The following ARL6 variants were observed in gnomAD, a reference collection of about 807,000 sequenced individuals.
ARL6 encodes the protein ARF like GTPase 6, also known as ADP-ribosylation factor-like protein 6.
Under a neutral mutation model 27.1 loss-of-function variants are expected in ARL6, and 18 were observed. The observed-to-expected ratio is 0.66, with a 90% confidence interval of 0.46 to 0.98. ARL6 has a LOEUF of 0.98. Among genes scored for constraint, ARL6 ranks in the 50% least tolerant of loss-of-function variants. The pLI is 0.00. For synonymous variants in ARL6, 65 were observed against 72.3 expected, an observed-to-expected ratio of 0.90 and a Z score of 0.51; for missense variants, 187 against 214.9, an observed-to-expected ratio of 0.87 and a Z score of 0.81.
At chr3:97,791,377 G>A in intron 6 of ARL6, 10 of 163,644 alleles carry the variant, frequency 6.1e-5, no homozygotes. Flanking sequence ...TCAAACAAAG[G>A]CACACCATAA....
chr3:97,783,605 TTTGA>T (rs1476235834), intron 4 of ARL6, among the ~76,000 whole-genome samples: 1 of 151,868 alleles, frequency 6.6e-6, no homozygotes, highest in Non-Finnish European at 1.5e-5. Flanking sequence ...TGATAGGTAC[TTTGA>T]TTGTTCTGGT....
At chr3:97,793,757 T>C (rs1428377416) in intron 7 of ARL6, among the ~76,000 whole-genome samples, 7 of 152,312 alleles carry the variant, frequency 4.6e-5, no homozygotes, top group Admixed American at 2.6e-4. Flanking sequence ...TTGGAAATAC[T>C]TTTGTGTCCT....
At chr3:97,772,675 G>A (rs2036697841) in intron 2 of ARL6, among the ~76,000 whole-genome samples, 1 of 146,738 alleles carries the variant, frequency 6.8e-6, no homozygotes, top group African/African-American at 2.5e-5. Flanking sequence ...AGGCTGGAGT[G>A]CAATGGTGTG....
At chr3:97,774,831 T>C (rs1166983000) in intron 2 of ARL6, among the ~76,000 whole-genome samples, 1 of 152,216 alleles carries the variant, frequency 6.6e-6, no homozygotes, top group African/African-American at 2.4e-5. Flanking sequence ...AGTATGTGCT[T>C]CTGAAGCTGG....
intron 1 of ARL6, chr3:97,766,146 T>A (rs1325441148): frequency 6.6e-6 from 1 of 152,154 alleles, no homozygotes; most frequent in Non-Finnish European, 1.5e-5. Context: ...TGCTTTATAG[T>A]AGATGCTTAA....
chr3:97,777,417 T>C (rs1291408453), intron 2 of ARL6, among the ~76,000 whole-genome samples: 2 of 152,198 alleles, frequency 1.3e-5, no homozygotes, highest in Admixed American at 6.5e-5. Context: ...ATATAACTTA[T>C]GCACATCCTC....
At chr3:97,776,662 ATT>A (rs35144481) in intron 2 of ARL6, among the ~76,000 whole-genome samples, 10 of 147,836 alleles carry the variant, frequency 6.8e-5, no homozygotes, top group African/African-American at 2.3e-4. Flanking sequence ...TTATTTATTT[ATT>A]TTTTTTTTTT....
Position 97,798,054 on chromosome 3 carries a change from A to G in ARL6, c.*5A>G, listed in dbSNP as rs1470973707. 3 of 1,613,064 alleles carry G rather than the reference A, an allele frequency of 1.9e-6. No individual in the cohort carries two copies. Among genetic ancestry groups the G allele is most frequent in the Non-Finnish European group, 2.5e-6 (3 of 1,179,220 alleles). On this transcript the variant is annotated 3_prime_UTR_variant, in exon 8 of 8. Coordinates refer to ENST00000463745, the MANE Select transcript of ARL6 (RefSeq NM_001278293.3). ...ATCCAGACTGTGAAGACATGAAAAG[A>G]TAATAGTTGGAAACCTCAGCAATTT...
intron 2 of ARL6, among the ~76,000 whole-genome samples, chr3:97,772,266 T>C (rs1276247299): frequency 2.0e-5 from 3 of 152,208 alleles, no homozygotes; most frequent in South Asian, 2.1e-4. Flanking sequence ...GTTGAATGTG[T>C]CCGGCAATTT....
At chr3:97,787,704 T>G (rs2037525306) in intron 5 of ARL6, among the ~76,000 whole-genome samples, 1 of 152,156 alleles carries the variant, frequency 6.6e-6, no homozygotes, top group Admixed American at 6.5e-5. Flanking sequence ...AATGCTTTTT[T>G]GTAGGTACTT....
At chr3:97,775,938 T>C (rs929815666) in intron 2 of ARL6, among the ~76,000 whole-genome samples, 2 of 152,204 alleles carry the variant, frequency 1.3e-5, no homozygotes, top group African/African-American at 4.8e-5. Context: ...CATAAATGTT[T>C]ATTAGGTCCA....
chr3:97,768,317 C>T, intron 2 of ARL6, 87 bp downstream of exon 2: 1 of 1,355,268 alleles, frequency 7.4e-7, no homozygotes, highest in Non-Finnish European at 1.0e-6. Flanking sequence ...GTTAAAACCG[C>T]ATATAATCAC....
rs1359075294 is a variant in ARL6 at position 97,768,175 on chromosome 3, T to C, written c.68T>C (p.Leu23Pro). 1 of 1,613,048 alleles carries C rather than the reference T, an allele frequency of 6.2e-7. No homozygotes were observed. Among genetic ancestry groups the C allele is most frequent in the African/African-American group, 1.3e-5 (1 of 74,904 alleles). Residue 23 changes from leucine (L) to proline (P), a missense_variant, in exon 2 of 8, where the codon CTT (leucine) becomes CCT (proline). Coordinates refer to ENST00000463745, the MANE Select transcript of ARL6 (RefSeq NM_001278293.3). ...LKKKEVHVLC[L>P]GLDNSGKTTI... is the part of the protein sequence containing the mutation. ...AAGAAGGAGGTTCATGTTTTGTGCCTTGGGCTAGATAATAGTGGCAAAACG... is the reference window on the plus strand; with the variant it reads ...AAGAAGGAGGTTCATGTTTTGTGCCCTGGGCTAGATAATAGTGGCAAAACG...
intron 2 of ARL6, among the ~76,000 whole-genome samples, chr3:97,770,949 A>G (rs760384470): frequency 1.3e-5 from 2 of 152,122 alleles, no homozygotes; most frequent in Non-Finnish European, 2.9e-5. Flanking sequence ...GAAGTCAGAT[A>G]GTGTGGTACC....
chr3:97,791,999 A>T, intron 7 of ARL6, 173 bp downstream of exon 7: 1 of 601,210 alleles, frequency 1.7e-6, no homozygotes, highest in Non-Finnish European at 2.9e-6. Flanking sequence ...ATTTACTTCT[A>T]TCACATATTG....
At chr3:97,795,895 A>C (rs1469604472) in intron 7 of ARL6, among the ~76,000 whole-genome samples, 1 of 152,224 alleles carries the variant, frequency 6.6e-6, no homozygotes, top group African/African-American at 2.4e-5. Context: ...GCTGAATATT[A>C]TAACTCTCTT....
chr3:97,775,204 T>G (rs2036832384), intron 2 of ARL6, among the ~76,000 whole-genome samples: 1 of 152,104 alleles, frequency 6.6e-6, no homozygotes, highest in African/African-American at 2.4e-5. Flanking sequence ...GGTACCAAAA[T>G]CTATATTAGT....
chr3:97,772,319 A>G (rs1429347323), intron 2 of ARL6, among the ~76,000 whole-genome samples: 1 of 152,096 alleles, frequency 6.6e-6, no homozygotes, highest in Non-Finnish European at 1.5e-5. Context: ...GTAGTTTTTC[A>G]TAATAATCTC....
intron 7 of ARL6, among the ~76,000 whole-genome samples, chr3:97,792,619 T>C (rs1234702915): frequency 6.6e-6 from 1 of 152,242 alleles, no homozygotes; most frequent in Non-Finnish European, 1.5e-5. Flanking sequence ...TTTGCAGTTC[T>C]GGTTGCTATT....
Sources: gnomAD v4.1 joint callset for allele counts (sites outside exome capture counted in the v4.1 genomes callset) on GRCh38, gnomAD v4.1.1 for gene constraint, MANE v1.5 for transcripts, NCBI Gene and HGNC (gene_info 2026-07-23, HGNC 2026-07-21) for gene names.